The following GREP1 variants were observed in gnomAD, a reference collection of about 807,000 sequenced individuals.
GREP1 encodes the protein glycine rich extracellular protein 1.
At chr16:2,996,225 A>G (rs999824742) in intron 18 of GREP1, among the ~76,000 whole-genome samples, 6 of 151,858 alleles carry the variant, frequency 4.0e-5, no homozygotes, top group African/African-American at 1.5e-4. Flanking sequence ...GAGCCACCGC[A>G]CCGGGCTGAG....
chr16:2,999,986 C>T (rs1044466968), intron 28 of GREP1, 43 bp downstream of exon 25: 1 of 399,010 alleles, frequency 2.5e-6, no homozygotes, highest in Admixed American at 4.4e-5. Flanking sequence ...CCTTCCCTTC[C>T]TCTTCCCTCC....
At position 2,991,298 on chromosome 16, in the gene GREP1, G is replaced by A. The variant is rs2072398111; in HGVS notation, c.322+197G>A. 2.5e-6 allele frequency: 1 copy of A among 393,432 alleles called. No homozygotes were observed. The highest frequency in any genetic ancestry group is 4.5e-6 in the Non-Finnish European group (1 of 223,466). The allele number at this position is 393,432 out of a possible 1,614,324, so 24.4% of individuals were successfully genotyped here. ...GTGAGGCAGAGCCCTGCCCCGCCTT[G>A]CCCACTTATATCCAGGCGCCTCTGG... On this transcript the variant is annotated intron_variant, in intron 8 of 34. Coordinates refer to ENST00000573315, the Ensembl canonical transcript of GREP1. This position sits in a 1 kb window ranked among gnomAD's most constrained non-coding sequence, Gnocchi z 4.9.
exon 13 of GREP1, chr16:2,994,933 A>T: frequency 1.0e-5 from 4 of 398,818 alleles, no homozygotes; most frequent in Non-Finnish European, 1.8e-5. Context: ...CCAGGATTCC[A>T]GTACAGAATT....
At chr16:2,997,006 A>G in exon 21 of GREP1, 1 of 399,194 alleles carries the variant, frequency 2.5e-6, no homozygotes, top group Non-Finnish European at 4.4e-6. Flanking sequence ...CAGGAGGTCC[A>G]GAGCGGAGGC....
rs2151088755 is a variant in GREP1, at chr16:2,989,116, AT to A, written c.101-404del. 4.0e-6 allele frequency: 1 copy of A among 250,622 alleles called. No homozygotes were observed. Among genetic ancestry groups the A allele is most frequent in the East Asian group, 7.1e-5 (1 of 14,012 alleles). The allele number at this position is 250,622 out of a possible 1,614,324, so 15.5% of individuals were successfully genotyped here. ...GAGGTGGTGAGAAGAAGAGGAGGAG[AT>A]TTCCATGAAGGGAGAGGAGCCCAGT... is the stretch of plus-strand genomic sequence containing the variant. On this transcript the variant is annotated intron_variant, in intron 2 of 34. Transcript: ENST00000573315. This position sits in a 1 kb window ranked among gnomAD's most constrained non-coding sequence, Gnocchi z 4.2.
At chr16:2,993,039 C>T (rs923890879) in intron 10 of GREP1, 76 bp downstream of exon 11, 1 of 398,064 alleles carries the variant, frequency 2.5e-6, no homozygotes, top group African/African-American at 2.1e-5. Flanking sequence ...TCCCTGATCT[C>T]CCCATTCTCT....
At chr16:2,994,449 C>T (rs921055389) in intron 10 of GREP1, 14 of 324,306 alleles carry the variant, frequency 4.3e-5, no homozygotes, top group Non-Finnish European at 7.2e-5. Flanking sequence ...GCGGAGGTTG[C>T]AGTGAACCAA....
chr16:2,988,764 A>C, intron 2 of GREP1, 142 bp downstream of exon 2: 1 of 398,026 alleles, frequency 2.5e-6, no homozygotes, highest in African/African-American at 2.1e-5. Context: ...GAGTCTCATC[A>C]AGTGTCCACT....
In GREP1 at chr16:2,989,471, C is replaced by A. The variant is rs1286629698; in HGVS notation, c.101-52C>A. The A allele has an allele frequency of 1.3e-5, 5 of 399,098 alleles. No individual in the cohort carries two copies. Among genetic ancestry groups the A allele is most frequent in the Non-Finnish European group, 2.2e-5 (5 of 226,220 alleles). 24.7% of individuals were successfully genotyped at this position (399,098 alleles called of 1,614,324 possible). On this transcript the variant is annotated intron_variant, in intron 2 of 34. Transcript: ENST00000573315. This position sits in a 1 kb window ranked among gnomAD's most constrained non-coding sequence, Gnocchi z 4.2. ...GGGGTGCTTGGGGAGGGTGGCACAC[C>A]GGCTCCCAGCTGCTCCAGCACCCCG...
In GREP1 at chr16:2,999,571, G is replaced by C. The variant is rs988296992; in HGVS notation, c.1189+271G>C. ...GCAATTTTGGCTCACTGCAAAATAC[G>C]CCTCCCAAGTAGTTGGCATTACAGG... On this transcript the variant is annotated intron_variant, in intron 27 of 34. Transcript: ENST00000573315. 2.2e-5 allele frequency among the ~76,000 whole-genome samples: 3 copies of C among 138,786 alleles called. No homozygotes were observed. The East Asian group carries it at 6.5e-4, about 30-fold the overall frequency. 91.0% of individuals were successfully genotyped at this position (138,786 alleles called of 152,430 possible). A position where few individuals can be genotyped will look rare whatever the true frequency, so the allele number is the denominator to read the frequency against.
Position 2,988,345 on chromosome 16 carries a change from T to A in GREP1, c.67+2T>A. On this transcript the variant is annotated splice_donor_variant, in intron 1 of 34. Coordinates refer to ENST00000573315, the Ensembl canonical transcript of GREP1. LOFTEE classifies it high-confidence loss of function. The stretch of plus-strand genomic sequence containing the variant: ...TGACTTCCGAGAGCCTGCAAGGTGG[T>A]GAGGGCAGCTTGGGGCTGGGGGTTG... The A allele has an allele frequency of 2.5e-6, 1 of 399,016 alleles. No homozygotes were observed. The highest frequency in any genetic ancestry group is 4.4e-6 in the Non-Finnish European group (1 of 226,268). 24.7% of individuals were successfully genotyped at this position (399,016 alleles called of 1,614,324 possible). A position where few individuals can be genotyped will look rare whatever the true frequency, so the allele number is the denominator to read the frequency against.
At chr16:2,990,863 C>T (rs990071081) in intron 7 of GREP1, among the ~76,000 whole-genome samples, 185 bp from the exon 7 acceptor site, 26 of 152,152 alleles carry the variant, frequency 1.7e-4, no homozygotes, top group Admixed American at 9.2e-4. Context: ...GAGCCCAGGG[C>T]GGGGAGGTGG....
chr16:3,000,564 G>A (rs1030476319), exon 32 of GREP1: 8 of 398,922 alleles, frequency 2.0e-5, no homozygotes, highest in African/African-American at 6.2e-5. Flanking sequence ...GGGATGGGGT[G>A]GAAGCTCTGG....
At chr16:2,996,824 T>C (rs1427516813) in intron 20 of GREP1, 119 bp downstream of exon 19, 3 of 398,784 alleles carry the variant, frequency 7.5e-6, no homozygotes, top group Non-Finnish European at 1.3e-5. Flanking sequence ...GGGAGGTCTG[T>C]AGGAGCACCG....
In GREP1 at chr16:2,991,404, G is replaced by A. The variant is rs1262892182; in HGVS notation, c.322+303G>A. ...ATTGGGGAGCAGAAGTGGTTTGGGCGCTGGCACTCTTCCAGGGGCAGGAAC... is the reference window on the plus strand; with the variant it reads ...ATTGGGGAGCAGAAGTGGTTTGGGCACTGGCACTCTTCCAGGGGCAGGAAC... On this transcript the variant is annotated intron_variant, in intron 8 of 34. Coordinates refer to ENST00000573315, the Ensembl canonical transcript of GREP1. This position sits in a 1 kb window ranked among gnomAD's most constrained non-coding sequence, Gnocchi z 4.9. The A allele has an allele frequency of 9.7e-6, 3 of 310,186 alleles. No individual in the cohort carries two copies. Among genetic ancestry groups the A allele is most frequent in the Non-Finnish European group, 1.8e-5 (3 of 170,512 alleles). The allele number at this position is 310,186 out of a possible 1,614,324, so 19.2% of individuals were successfully genotyped here. A position where few individuals can be genotyped will look rare whatever the true frequency, so the allele number is the denominator to read the frequency against.
chr16:2,989,444 G>A lies in GREP1; in HGVS notation c.101-79G>A. On this transcript the variant is annotated intron_variant, in intron 2 of 34. Coordinates refer to ENST00000573315, the Ensembl canonical transcript of GREP1. The surrounding 1 kb of genome is among the most constrained non-coding windows in gnomAD (Gnocchi z 4.2). The stretch of plus-strand genomic sequence containing the variant: ...GGCTACAGATCTGGTAAAGCTGGTG[G>A]CGGGGTGCTTGGGGAGGGTGGCACA... 2.5e-6 allele frequency: 1 copy of A among 399,166 alleles called. No individual in the cohort carries two copies. Among genetic ancestry groups the A allele is most frequent in the Non-Finnish European group, 4.4e-6 (1 of 226,140 alleles). 24.7% of individuals were successfully genotyped at this position (399,166 alleles called of 1,614,324 possible).
intron 5 of GREP1, 87 bp downstream of exon 5, chr16:2,990,209 A>G: frequency 5.0e-6 from 2 of 398,514 alleles, no homozygotes; most frequent in Non-Finnish European, 8.8e-6. Flanking sequence ...GGGGAGGCGC[A>G]GAGAGCCTCT....
At position 2,989,141 on chromosome 16, in the gene GREP1, G is replaced by A; in HGVS notation, c.101-382G>A. ...ATTTCCATGAAGGGAGAGGAGCCCA[G>A]TACTGAGAATGGATGGGAGAGGAGA... On this transcript the variant is annotated intron_variant, in intron 2 of 34. Coordinates refer to ENST00000573315, the Ensembl canonical transcript of GREP1. This position sits in a 1 kb window ranked among gnomAD's most constrained non-coding sequence, Gnocchi z 4.2. The A allele has an allele frequency of 3.6e-6, 1 of 277,752 alleles. No individual in the cohort carries two copies. Among genetic ancestry groups the A allele is most frequent in the Non-Finnish European group, 6.7e-6 (1 of 149,384 alleles). The allele number at this position is 277,752 out of a possible 1,614,324, so 17.2% of individuals were successfully genotyped here. A position where few individuals can be genotyped will look rare whatever the true frequency, so the allele number is the denominator to read the frequency against.
rs1273592563 is a variant in GREP1, at chr16:2,988,624, T to A, written c.100+2T>A. The A allele has an allele frequency of 2.5e-6, 1 of 398,880 alleles. No homozygotes were observed. The highest frequency in any genetic ancestry group is 2.1e-5 in the African/African-American group (1 of 48,532). The allele number at this position is 398,880 out of a possible 1,614,324, so 24.7% of individuals were successfully genotyped here. A position where few individuals can be genotyped will look rare whatever the true frequency, so the allele number is the denominator to read the frequency against. On this transcript the variant is annotated splice_donor_variant, in intron 2 of 34. Coordinates refer to ENST00000573315, the Ensembl canonical transcript of GREP1. LOFTEE classifies it high-confidence loss of function. The stretch of plus-strand genomic sequence containing the variant: ...TTCTGCCTCCTGGCCTGGGGAAAGG[T>A]AGGTGGGCCCTCTGGCACTGGGGTC...
Sources: gnomAD v4.1 joint callset for allele counts (sites outside exome capture counted in the v4.1 genomes callset) on GRCh38, gnomAD v4.1.1 for gene constraint, Gnocchi (gnomAD v3.1) non-coding constraint, MANE v1.5 for transcripts, NCBI Gene and HGNC (gene_info 2026-07-23, HGNC 2026-07-21) for gene names.